OSGIN2: variants seen among roughly 807,000 people sequenced by gnomAD.
OSGIN2 encodes the protein oxidative stress-induced growth inhibitor 2.
OSGIN2 carries 19 observed loss-of-function variants against 53.8 expected under a neutral mutation model. The ratio of observed to expected loss-of-function variants is 0.35; its 90% CI spans 0.25 to 0.52. The LOEUF (loss-of-function observed/expected upper bound fraction) is 0.52. OSGIN2 is among the 20% of genes least tolerant of loss of function. The pLI is 0.95. For synonymous variants in OSGIN2, 236 were observed against 236.0 expected (o/e 1.00, Z 0.00); for missense variants, 520 against 662.7 (o/e 0.78, Z 2.36).
intron 4 of OSGIN2, among the ~76,000 whole-genome samples, chr8:89,915,301 C>T (rs927505689): frequency 1.3e-5 from 2 of 152,154 alleles, no homozygotes; most frequent in Non-Finnish European, 2.9e-5. Context: ...TAGCTGCCTT[C>T]TCAATGTGTC....
intron 4 of OSGIN2, among the ~76,000 whole-genome samples, chr8:89,918,052 T>C (rs915924203): frequency 6.6e-6 from 1 of 152,214 alleles, no homozygotes; most frequent in African/African-American, 2.4e-5. Context: ...CTCCCTGCCT[T>C]TGCTTTCTGC....
At chr8:89,905,597 C>T (rs537251739) in intron 1 of OSGIN2, among the ~76,000 whole-genome samples, 230 of 152,254 alleles carry the variant, frequency 1.5e-3, no homozygotes, top group Admixed American at 5.8e-3. Context: ...TCACACTTTC[C>T]GTTTTTGTTT....
upstream of OSGIN2, among the ~76,000 whole-genome samples, chr8:89,902,318 G>A (rs533736272): frequency 6.2e-4 from 94 of 152,268 alleles, no homozygotes; most frequent in African/African-American, 2.1e-3. Flanking sequence ...GAGGGGCGGC[G>A]GGGCGCTGAC....
rs1809359168 is a variant in OSGIN2 at position 89,927,260 on chromosome 8, A to C, written c.*1728A>C. ...GTGTCTCAAAAGTCCACAGTTATTCAAACAATGGCTTTTTTTGTGATGAGA... is the reference window on the plus strand; with the variant it reads ...GTGTCTCAAAAGTCCACAGTTATTCCAACAATGGCTTTTTTTGTGATGAGA... On this transcript the variant is annotated 3_prime_UTR_variant, in exon 6 of 6. Transcript: ENST00000451899. The C allele has an allele frequency of 6.6e-6, 1 of 151,624 alleles. No individual in the cohort carries two copies. The highest frequency in any genetic ancestry group is 1.5e-5 in the Non-Finnish European group (1 of 67,978). The allele number at this position is 151,624 out of a possible 1,614,324, so 9.4% of individuals were successfully genotyped here.
Position 89,919,596 on chromosome 8 carries a change from C to T in OSGIN2, c.529-1484C>T, listed in dbSNP as rs865945763. On this transcript the variant is annotated intron_variant, in intron 4 of 5. Coordinates refer to ENST00000451899, the MANE Select transcript of OSGIN2 (RefSeq NM_001126111.3). The stretch of plus-strand genomic sequence containing the variant: ...GTATTCAGGGGCTCAGAAGTTATTT[C>T]TAAGAAGGTGGCAGCCAAGCCTGGT... 1.4e-4 allele frequency among the ~76,000 whole-genome samples: 21 copies of T among 152,324 alleles called. No homozygotes were observed. The South Asian group carries it at 3.1e-3, about 23-fold the overall frequency.
At position 89,925,951 on chromosome 8, in the gene OSGIN2, T is replaced by C. The variant is rs1809322306; in HGVS notation, c.*419T>C. The stretch of plus-strand genomic sequence containing the variant: ...CTGTTCAAAGGGTGGTGCAAGGTCC[T>C]GCAGCATCTTACATCTGTAGCTTGT... On this transcript the variant is annotated 3_prime_UTR_variant, in exon 6 of 6. Coordinates refer to ENST00000451899, the MANE Select transcript of OSGIN2 (RefSeq NM_001126111.3). 6.1e-6 allele frequency: 1 copy of C among 163,872 alleles called. No individual in the cohort carries two copies. Among genetic ancestry groups the C allele is most frequent in the South Asian group, 1.5e-4 (1 of 6,518 alleles). 10.2% of individuals were successfully genotyped at this position (163,872 alleles called of 1,614,324 possible). A position where few individuals can be genotyped will look rare whatever the true frequency, so the allele number is the denominator to read the frequency against.
rs1316932115 is a variant in OSGIN2, at chr8:89,914,621, A to G, written c.403A>G (p.Thr135Ala). ...CAATCCAGTTGCAGTACTTTTCGATACACTTCTTCATCCAGATGCTGACTT... is the reference window on the plus strand; with the variant it reads ...CAATCCAGTTGCAGTACTTTTCGATGCACTTCTTCATCCAGATGCTGACTT... ...SSNPVAVLFD[T>A]LLHPDADFGY... Residue 135 changes from threonine (T) to alanine (A), a missense_variant, in exon 4 of 6, where the codon ACA becomes GCA. Physicochemically the swap from Thr to Ala is moderately conservative, Grantham distance 58. Coordinates refer to ENST00000451899, the MANE Select transcript of OSGIN2 (RefSeq NM_001126111.3). 1 of 1,614,074 alleles carries G rather than the reference A, an allele frequency of 6.2e-7. No individual in the cohort carries two copies.
intron 4 of OSGIN2, among the ~76,000 whole-genome samples, chr8:89,915,581 T>C (rs541087877): frequency 2.1e-3 from 327 of 152,374 alleles, no homozygotes; most frequent in South Asian, 3.9e-3. Flanking sequence ...TTGTTCATCC[T>C]TCCTGTGTTC....
At position 89,925,506 on chromosome 8, in the gene OSGIN2, AGAG is replaced by A. The variant is rs774713684; in HGVS notation, c.1634_1636del (p.Gly545del). On this transcript the variant is annotated inframe_deletion, in exon 6 of 6. Coordinates refer to ENST00000451899, the MANE Select transcript of OSGIN2 (RefSeq NM_001126111.3). Reference sequence around the variant, plus strand: ...GAAGAAAAAGCATTTGTTTGTTGAAAGAGGAGGAGGAGATGGGATAGCTTAAAG... The same window carrying A: ...GAAGAAAAAGCATTTGTTTGTTGAAAGAGGAGGAGATGGGATAGCTTAAAG... 8.1e-5 allele frequency: 131 copies of A among 1,613,594 alleles called. No homozygotes were observed. The South Asian group carries it at 1.0e-3, about 13-fold the overall frequency.
intron 1 of OSGIN2, among the ~76,000 whole-genome samples, chr8:89,909,037 A>AAAAAT (rs1554550040): frequency 7.1e-5 from 6 of 84,868 alleles, no homozygotes; most frequent in Admixed American, 1.3e-4. Flanking sequence ...AAAAAAAAAA[A>AAAAAT]ATATATATAT....
At position 89,910,359 on chromosome 8, in the gene OSGIN2, C is replaced by T. The variant is rs537154424; in HGVS notation, c.199+638C>T. Among the ~76,000 whole-genome samples, 10 of 152,220 alleles carry T rather than the reference C, an allele frequency of 6.6e-5. No homozygotes were observed. The East Asian group carries it at 7.7e-4, about 12-fold the overall frequency. Reference sequence around the variant, plus strand: ...ATTACCTGTTATGTATATTTTTCATCTAATATACAAAGTCGAGGAATTCAG... The same window carrying T: ...ATTACCTGTTATGTATATTTTTCATTTAATATACAAAGTCGAGGAATTCAG... On this transcript the variant is annotated intron_variant, in intron 2 of 5. Transcript: ENST00000451899.
intron 3 of OSGIN2, 128 bp downstream of exon 3, chr8:89,914,341 A>G (rs1320841838): frequency 4.2e-6 from 3 of 711,522 alleles, no homozygotes; most frequent in Non-Finnish European, 6.8e-6. Flanking sequence ...TTTATTTTAG[A>G]TTCGTAAATG....
intron 1 of OSGIN2, among the ~76,000 whole-genome samples, chr8:89,903,083 C>T (rs1808761273): frequency 6.6e-6 from 1 of 152,184 alleles, no homozygotes; most frequent in African/African-American, 2.4e-5. Flanking sequence ...ACTGCGGGAT[C>T]GGCTAGGCCG....
intron 1 of OSGIN2, among the ~76,000 whole-genome samples, chr8:89,909,004 T>A (rs1194813890): frequency 4.4e-5 from 4 of 91,336 alleles, no homozygotes; most frequent in Non-Finnish European, 7.8e-5. Flanking sequence ...GAGCAAGACC[T>A]TGTTTCCAAA....
intron 1 of OSGIN2, among the ~76,000 whole-genome samples, chr8:89,907,991 T>G (rs1364329250): frequency 6.6e-6 from 1 of 152,204 alleles, no homozygotes; most frequent in Non-Finnish European, 1.5e-5. Context: ...GAGCAGTGGT[T>G]TGGAGGTTTC....
intron 5 of OSGIN2, 163 bp downstream of exon 5, chr8:89,921,334 T>C: frequency 1.9e-6 from 1 of 528,792 alleles, no homozygotes; most frequent in Non-Finnish European, 3.3e-6. Flanking sequence ...CTAGTTTTCA[T>C]TTAGAGATGT....
At chr8:89,905,904 TTAAAA>T (rs1808829420) in intron 1 of OSGIN2, among the ~76,000 whole-genome samples, 1 of 152,156 alleles carries the variant, frequency 6.6e-6, no homozygotes, top group Non-Finnish European at 1.5e-5. Flanking sequence ...ACTGAATAAT[TTAAAA>T]TGAAATTAAC....
chr8:89,921,278 C>G, intron 5 of OSGIN2, 107 bp downstream of exon 5: 1 of 637,234 alleles, frequency 1.6e-6, no homozygotes, highest in Non-Finnish European at 2.8e-6. Flanking sequence ...TATAAATGTA[C>G]GTCTTTCAAA....
chr8:89,919,671 C>T (rs538256539), intron 4 of OSGIN2, among the ~76,000 whole-genome samples: 1 of 152,244 alleles, frequency 6.6e-6, no homozygotes, highest in East Asian at 1.9e-4. Context: ...ACAACGCAGG[C>T]CTGCTGAGTT....
Sources: allele counts gnomAD v4.1 joint callset (sites outside exome capture counted in the v4.1 genomes callset), GRCh38; gene constraint gnomAD v4.1.1; transcripts MANE v1.5; gene names NCBI Gene and HGNC (gene_info 2026-07-23, HGNC 2026-07-21).